Variants in CPED1 observed in about 807,000 individuals in gnomAD.
The protein encoded by CPED1 is cadherin-like and PC-esterase domain-containing protein 1.
A neutral mutation model predicts 128.2 loss-of-function variants in CPED1; 114 were observed. The observed-to-expected ratio is 0.89, with a 90% confidence interval of 0.76 to 1.04. The LOEUF is 1.04. CPED1 is among the 50% of genes least tolerant of loss of function. CPED1 has a pLI of 0.00. For synonymous variants in CPED1, 462 were observed against 426.7 expected (o/e 1.08, Z -1.02); for missense variants, 1,211 against 1,207.1 (o/e 1.00, Z -0.05).
intron 22 of CPED1, among the ~76,000 whole-genome samples, chr7:121,278,184 A>T (rs1315215237): frequency 6.6e-6 from 1 of 152,200 alleles, no homozygotes; most frequent in Non-Finnish European, 1.5e-5. Context: ...TATTGGATTT[A>T]AAGGAGGAAA....
intron 22 of CPED1, among the ~76,000 whole-genome samples, chr7:121,281,870 T>C (rs951761176): frequency 1.3e-5 from 2 of 152,176 alleles, no homozygotes; most frequent in African/African-American, 4.8e-5. Context: ...TCAAACAGAT[T>C]GTCATGCAGC....
chr7:121,107,259 C>CAGTGATG (rs1795000407), intron 7 of CPED1, among the ~76,000 whole-genome samples: 1 of 152,036 alleles, frequency 6.6e-6, no homozygotes, highest in Non-Finnish European at 1.5e-5. Context: ...AAGACTTTAA[C>CAGTGATG]AACAAGGCTT....
intron 16 of CPED1, among the ~76,000 whole-genome samples, chr7:121,170,338 A>T (rs991999060): frequency 6.6e-6 from 1 of 152,038 alleles, no homozygotes; most frequent in African/African-American, 2.4e-5. Context: ...AATCATTTTT[A>T]TGGAGTAGCT....
intron 6 of CPED1, 47 bp downstream of exon 6, chr7:121,097,878 G>C (rs762977329): frequency 8.1e-6 from 13 of 1,602,864 alleles, no homozygotes; most frequent in Non-Finnish European, 1.1e-5. Flanking sequence ...CATTGTAGGA[G>C]ACAGCTAACA....
intron 16 of CPED1, among the ~76,000 whole-genome samples, chr7:121,166,145 AAC>A (rs1196285107): frequency 2.6e-5 from 4 of 152,192 alleles, no homozygotes; most frequent in East Asian, 1.9e-4. Flanking sequence ...ACAAAAAAAA[AAC>A]ATTTCACCAG....
chr7:121,246,649 A>C (rs557638042), intron 18 of CPED1, among the ~76,000 whole-genome samples: 1 of 152,320 alleles, frequency 6.6e-6, no homozygotes, highest in South Asian at 2.1e-4. Flanking sequence ...ATCACATTGG[A>C]GATTAGTGTT....
rs184785031 is a variant in CPED1, at chr7:121,225,333, C to T, written c.2056-11381C>T. Reference sequence around the variant, plus strand: ...CTCTTCTGGCTTATAGGGTTTCTGCCGAGAGATCCACTGTTAGTCTGATGG... The same window carrying T: ...CTCTTCTGGCTTATAGGGTTTCTGCTGAGAGATCCACTGTTAGTCTGATGG... On this transcript the variant is annotated intron_variant, in intron 16 of 22. Transcript: ENST00000310396. 8.3e-4 allele frequency among the ~76,000 whole-genome samples: 126 copies of T among 152,220 alleles called. 1 individual carries two copies. The Middle Eastern group carries it at 0.017, about 21-fold the overall frequency.
intron 7 of CPED1, among the ~76,000 whole-genome samples, chr7:121,104,369 T>G (rs1794920596): frequency 6.6e-6 from 1 of 152,164 alleles, no homozygotes; most frequent in South Asian, 2.1e-4. Context: ...AAAGATTAAC[T>G]GCAAGAAATG....
At chr7:121,257,871 A>G (rs928168429) in intron 18 of CPED1, among the ~76,000 whole-genome samples, 4 of 152,056 alleles carry the variant, frequency 2.6e-5, no homozygotes, top group East Asian at 1.9e-4. Context: ...TACAACTAAT[A>G]TATTTTGTTT....
intron 5 of CPED1, among the ~76,000 whole-genome samples, chr7:121,073,419 T>G (rs1194544813): frequency 6.6e-6 from 1 of 152,140 alleles, no homozygotes; most frequent in Admixed American, 6.6e-5. Flanking sequence ...GAGGCAGGCA[T>G]ACTCAGTGAA....
At chr7:121,003,692 G>T (rs538678333) in intron 2 of CPED1, among the ~76,000 whole-genome samples, 1 of 152,154 alleles carries the variant, frequency 6.6e-6, no homozygotes, top group Non-Finnish European at 1.5e-5. Flanking sequence ...AGCAGGAACA[G>T]GTAGACAGGG....
At chr7:121,239,612 T>C (rs1452044420) in intron 17 of CPED1, among the ~76,000 whole-genome samples, 1 of 152,176 alleles carries the variant, frequency 6.6e-6, no homozygotes, top group Non-Finnish European at 1.5e-5. Flanking sequence ...ATATTGAAAA[T>C]ATAGATGTTT....
At chr7:121,151,754 G>T (rs1237025865) in intron 16 of CPED1, among the ~76,000 whole-genome samples, 4 of 152,222 alleles carry the variant, frequency 2.6e-5, no homozygotes, top group Admixed American at 2.6e-4. Flanking sequence ...GTTCTCATTA[G>T]TCAAAGCCAT....
chr7:121,125,842 C>T lies in CPED1; in HGVS notation c.1084C>T (p.Leu362=), dbSNP rs774961976. 6.2e-7 allele frequency: 1 copy of T among 1,613,382 alleles called. No individual in the cohort carries two copies. The highest frequency in any genetic ancestry group is 1.1e-5 in the South Asian group (1 of 91,070). ...FHRCRFCFQL[L]TFDIGYGSFM... ...TAGATGCAGATTCTGCTTTCAACTT[C>T]TAACTTTTGATATTGGTTATGGCAG... Residue 362 remains leucine (L), a synonymous_variant, in exon 9 of 23, where the codon CTA becomes TTA. Coordinates refer to ENST00000310396, the MANE Select transcript of CPED1 (RefSeq NM_024913.5).
chr7:121,259,571 G>A lies in CPED1; in HGVS notation c.2311-6656G>A, dbSNP rs1047506294. ...ATATGTTCACACATTTCTTTAAATAGATACCTACCTCTTTATAAATGCTGA... is the reference window on the plus strand; with the variant it reads ...ATATGTTCACACATTTCTTTAAATAAATACCTACCTCTTTATAAATGCTGA... On this transcript the variant is annotated intron_variant, in intron 18 of 22. Transcript: ENST00000310396. Among the ~76,000 whole-genome samples the A allele has an allele frequency of 5.9e-5, 9 of 152,060 alleles. 1 individual carries two copies. Among genetic ancestry groups the A allele is most frequent in the Admixed American group, 2.6e-4 (4 of 15,250 alleles).
intron 2 of CPED1, among the ~76,000 whole-genome samples, chr7:120,995,639 A>G (rs756881005): frequency 1.3e-5 from 2 of 152,174 alleles, no homozygotes; most frequent in Non-Finnish European, 2.9e-5. Context: ...GCCCAAATCA[A>G]TGACTCCTCT....
chr7:121,140,912 T>G lies in CPED1; in HGVS notation c.1785T>G (p.Asp595Glu), dbSNP rs780950115. The G allele has an allele frequency of 9.3e-6, 15 of 1,612,270 alleles. No homozygotes were observed. The highest frequency in any genetic ancestry group is 1.7e-5 in the Admixed American group (1 of 59,776). ...CTGACTTTCATCCAAAGATCAAAGA[T>G]TATTACTGTGAAGTCCCATTTGATG... is the stretch of plus-strand genomic sequence containing the variant. ...LNPDFHPKIK[D>E]YYCEVPFDVV... is the part of the protein sequence containing the mutation. The change falls in exon 15 of 23, where the codon GAT becomes GAG. Residue 595 changes from aspartate to glutamate, a missense_variant. Transcript: ENST00000310396.
chr7:121,053,484 T>A (rs942840600), intron 4 of CPED1, among the ~76,000 whole-genome samples: 4 of 152,230 alleles, frequency 2.6e-5, no homozygotes, highest in Admixed American at 2.6e-4. Flanking sequence ...TCAAGGGGCA[T>A]ATGATGTCCT....
intron 22 of CPED1, 90 bp downstream of exon 22, chr7:121,271,520 A>C (rs1366982572): frequency 4.6e-6 from 6 of 1,315,220 alleles, no homozygotes; most frequent in Non-Finnish European, 6.4e-6. Context: ...CTTATTTTGC[A>C]TGAAACAAAA....
Sources: allele counts gnomAD v4.1 joint callset (sites outside exome capture counted in the v4.1 genomes callset), GRCh38; gene constraint gnomAD v4.1.1; transcripts MANE v1.5; gene names NCBI Gene and HGNC (gene_info 2026-07-23, HGNC 2026-07-21).